The following FHOD3 variants were observed in gnomAD, a reference collection of about 807,000 sequenced individuals.
The protein encoded by FHOD3 is formin homology 2 domain containing 3, also known as FH1/FH2 domain-containing protein 3.
FHOD3 carries 90 observed loss-of-function variants against 173.0 expected under a neutral mutation model. That is an observed-to-expected ratio of 0.52 (90% CI 0.44 to 0.62). The LOEUF (loss-of-function observed/expected upper bound fraction) is 0.62. Ranked by LOEUF, FHOD3 falls within the 20% of genes least tolerant of loss-of-function variation. FHOD3 has a pLI of 0.00. For synonymous variants in FHOD3, 828 were observed against 823.0 expected, an observed-to-expected ratio of 1.01 and a Z score of -0.10; for missense variants, 1,945 against 2,034.7, an observed-to-expected ratio of 0.96 and a Z score of 0.85.
chr18:36,697,451 A>G (rs2039348480), intron 17 of FHOD3, among the ~76,000 whole-genome samples: 1 of 152,252 alleles, frequency 6.6e-6, no homozygotes, highest in Non-Finnish European at 1.5e-5. Flanking sequence ...TGTCTACAGT[A>G]TTTTATTATG....
At chr18:36,667,650 G>A (rs2037267053) in intron 14 of FHOD3, among the ~76,000 whole-genome samples, 1 of 152,070 alleles carries the variant, frequency 6.6e-6, no homozygotes, top group African/African-American at 2.4e-5. Flanking sequence ...GAAAAAAATG[G>A]TACATCTATG....
intron 20 of FHOD3, among the ~76,000 whole-genome samples, chr18:36,736,449 G>A (rs906160415): frequency 1.3e-5 from 2 of 152,188 alleles, no homozygotes; most frequent in Admixed American, 6.5e-5. Context: ...TCACATAAAC[G>A]AATTGAAAGA....
chr18:36,373,665 C>G (rs950677873), intron 3 of FHOD3, among the ~76,000 whole-genome samples: 7 of 152,194 alleles, frequency 4.6e-5, no homozygotes, highest in Non-Finnish European at 1.0e-4. Flanking sequence ...TCAGGTGACT[C>G]AAACTTCAGG....
chr18:36,498,721 C>T (rs758193922), intron 3 of FHOD3, among the ~76,000 whole-genome samples: 4 of 152,116 alleles, frequency 2.6e-5, no homozygotes, highest in Non-Finnish European at 4.4e-5. Flanking sequence ...TCACAAAATT[C>T]GCATTGTCTC....
At chr18:36,340,085 C>CGAAT (rs2045535775) in intron 1 of FHOD3, among the ~76,000 whole-genome samples, 1 of 152,152 alleles carries the variant, frequency 6.6e-6, no homozygotes, top group Admixed American at 6.5e-5. Flanking sequence ...TTTCTTTATA[C>CGAAT]ATTGTAGTAT....
At chr18:36,466,810 G>A (rs1364928703) in intron 3 of FHOD3, among the ~76,000 whole-genome samples, 3 of 151,870 alleles carry the variant, frequency 2.0e-5, no homozygotes, top group Non-Finnish European at 1.5e-5. Context: ...AGAGACATAC[G>A]TTAAGTAAGA....
At chr18:36,526,286 T>TC (rs397810226) in intron 5 of FHOD3, among the ~76,000 whole-genome samples, 11 of 150,224 alleles carry the variant, frequency 7.3e-5, no homozygotes, top group Admixed American at 6.6e-5. Flanking sequence ...ATTCTTTTTT[T>TC]CCCCCCTCAA....
At chr18:36,586,716 G>A (rs1323514501) in intron 6 of FHOD3, among the ~76,000 whole-genome samples, 1 of 152,134 alleles carries the variant, frequency 6.6e-6, no homozygotes, top group Non-Finnish European at 1.5e-5. Context: ...TCCTGACCTC[G>A]TGATCCTCCC....
chr18:36,576,976 C>G (rs1273965719), intron 6 of FHOD3, among the ~76,000 whole-genome samples: 2 of 151,928 alleles, frequency 1.3e-5, no homozygotes, highest in Non-Finnish European at 2.9e-5. Flanking sequence ...GCCTGTAGTC[C>G]CAGCTGCTCG....
intron 3 of FHOD3, among the ~76,000 whole-genome samples, chr18:36,408,294 G>A (rs1006433191): frequency 1.3e-5 from 2 of 152,228 alleles, no homozygotes; most frequent in South Asian, 4.1e-4. Flanking sequence ...TCATAAAGAG[G>A]GGTGTCCATC....
chr18:36,691,473 G>C (rs2149486197), intron 16 of FHOD3, among the ~76,000 whole-genome samples: 2 of 152,342 alleles, frequency 1.3e-5, no homozygotes, highest in East Asian at 3.9e-4. Context: ...ACACATACCT[G>C]CTGGAGGCCC....
chr18:36,529,528 G>T (rs1416106626), intron 5 of FHOD3, among the ~76,000 whole-genome samples: 5 of 152,136 alleles, frequency 3.3e-5, no homozygotes, highest in Admixed American at 6.5e-5. Flanking sequence ...ATGTAAAAAG[G>T]TTAAGGTGGG....
chr18:36,439,875 A>C (rs536907091), intron 3 of FHOD3, among the ~76,000 whole-genome samples: 7 of 152,096 alleles, frequency 4.6e-5, no homozygotes, highest in African/African-American at 1.7e-4. Context: ...CTTTTGTTCT[A>C]TGTGGTCCCT....
intron 3 of FHOD3, among the ~76,000 whole-genome samples, chr18:36,478,592 G>A (rs189123081): frequency 6.6e-6 from 1 of 152,058 alleles, no homozygotes; most frequent in African/African-American, 2.4e-5. Context: ...GCCTCCTTCT[G>A]TCCACTTTAC....
At chr18:36,516,186 C>A (rs2055964412) in intron 5 of FHOD3, among the ~76,000 whole-genome samples, 1 of 152,204 alleles carries the variant, frequency 6.6e-6, no homozygotes, top group Admixed American at 6.5e-5. Context: ...CTTTGAATTA[C>A]CTCTTTATTT....
chr18:36,726,782 C>G (rs1269388620), intron 19 of FHOD3, among the ~76,000 whole-genome samples: 2 of 152,120 alleles, frequency 1.3e-5, no homozygotes, highest in Non-Finnish European at 2.9e-5. Context: ...TCAAGTGATT[C>G]TCCTGCCTCA....
chr18:36,647,277 A>AT (rs562202965), intron 10 of FHOD3, among the ~76,000 whole-genome samples: 143 of 152,214 alleles, frequency 9.4e-4, no homozygotes, highest in African/African-American at 3.3e-3. Context: ...AAAAAAATTC[A>AT]TTTTTTTAAT....
intron 8 of FHOD3, among the ~76,000 whole-genome samples, chr18:36,608,386 A>C (rs1395416125): frequency 6.6e-6 from 1 of 152,222 alleles, no homozygotes; most frequent in East Asian, 1.9e-4. Context: ...CTACTCCTAC[A>C]ATAATTAACC....
chr18:36,590,619 ATAAACT>A (rs754340207), intron 6 of FHOD3, among the ~76,000 whole-genome samples: 33 of 152,346 alleles, frequency 2.2e-4, no homozygotes, highest in Admixed American at 1.5e-3. Context: ...GTACATCCAC[ATAAACT>A]TAAACTCAGT....
Sources: gnomAD v4.1 joint callset for allele counts (sites outside exome capture counted in the v4.1 genomes callset) on GRCh38, gnomAD v4.1.1 for gene constraint, MANE v1.5 for transcripts, NCBI Gene and HGNC (gene_info 2026-07-23, HGNC 2026-07-21) for gene names.